Variants in CTNNA3 observed in about 807,000 individuals in gnomAD.
The protein encoded by CTNNA3 is catenin alpha-3.
In CTNNA3, 76 loss-of-function variants were observed where a neutral mutation model predicts 95.7. The ratio of observed to expected loss-of-function variants is 0.79; its 90% CI spans 0.66 to 0.96. CTNNA3 has a LOEUF of 0.96. CTNNA3 is among the 40% of genes least tolerant of loss of function. The pLI, the probability that CTNNA3 is intolerant of heterozygous loss-of-function variation, is 0.00. For missense variants in CTNNA3, 1,191 were observed against 1,089.8 expected (o/e 1.09, Z -1.31); for synonymous variants, 431 against 374.4 (o/e 1.15, Z -1.74).
intron 10 of CTNNA3, among the ~76,000 whole-genome samples, chr10:66,541,014 C>A (rs117447339): frequency 1.3e-5 from 2 of 151,942 alleles, no homozygotes; most frequent in South Asian, 2.1e-4. Flanking sequence ...GGAATATTTG[C>A]GGAATCTGAT....
intron 12 of CTNNA3, among the ~76,000 whole-genome samples, chr10:66,345,815 C>T (rs2092503631): frequency 6.6e-6 from 1 of 151,894 alleles, no homozygotes; most frequent in African/African-American, 2.4e-5. Flanking sequence ...GTGGCTCACA[C>T]CTGTAATCCC....
At chr10:66,031,133 T>C (rs1457246326) in intron 15 of CTNNA3, among the ~76,000 whole-genome samples, 13 of 152,166 alleles carry the variant, frequency 8.5e-5, no homozygotes, top group Admixed American at 1.3e-4. Flanking sequence ...ACAGCCAATA[T>C]GGAAACTCGA....
At chr10:67,412,270 C>A (rs1390658025) in intron 5 of CTNNA3, among the ~76,000 whole-genome samples, 1 of 152,000 alleles carries the variant, frequency 6.6e-6, no homozygotes, top group East Asian at 1.9e-4. Context: ...TCTTTGCCTT[C>A]TTGTTTCATG....
At position 66,026,488 on chromosome 10, in the gene CTNNA3, A is replaced by AT. The variant is rs1027573435; in HGVS notation, c.2160-37692dup. On this transcript the variant is annotated intron_variant, in intron 15 of 17. Transcript: ENST00000433211. Reference sequence around the variant, plus strand: ...CAAAGTGAAAGAGTAGAATCATTAGATTTTTTCAGGAACATCTGCAGAACA... The same window carrying AT: ...CAAAGTGAAAGAGTAGAATCATTAGATTTTTTTCAGGAACATCTGCAGAACA... Among the ~76,000 whole-genome samples, 10 of 152,274 alleles carry AT rather than the reference A, an allele frequency of 6.6e-5. No homozygotes were observed. The South Asian group carries it at 8.3e-4, about 13-fold the overall frequency.
chr10:66,381,513 T>G (rs2132496353), intron 11 of CTNNA3, among the ~76,000 whole-genome samples: 1 of 152,204 alleles, frequency 6.6e-6, no homozygotes, highest in East Asian at 1.9e-4. Flanking sequence ...TAAGTAGTAC[T>G]TGTTATAATA....
chr10:66,856,743 T>G (rs73323577), intron 7 of CTNNA3, among the ~76,000 whole-genome samples: 243 of 152,192 alleles, frequency 1.6e-3, no homozygotes, highest in African/African-American at 5.6e-3. Context: ...TTTGCCCATG[T>G]TTTATGGGGT....
intron 7 of CTNNA3, among the ~76,000 whole-genome samples, chr10:66,784,093 G>T (rs1840646249): frequency 6.6e-6 from 1 of 152,074 alleles, no homozygotes; most frequent in East Asian, 1.9e-4. Context: ...TCTGTGTCTT[G>T]CAGACATGTT....
intron 10 of CTNNA3, among the ~76,000 whole-genome samples, chr10:66,548,143 C>T (rs111254150): frequency 6.2e-4 from 94 of 152,002 alleles, no homozygotes; most frequent in Middle Eastern, 3.4e-3. Flanking sequence ...TCTCAAACTC[C>T]GAACCTCAGG....
At chr10:66,125,001 C>G (rs2082753054) in intron 13 of CTNNA3, among the ~76,000 whole-genome samples, 1 of 152,126 alleles carries the variant, frequency 6.6e-6, no homozygotes, top group East Asian at 1.9e-4. Context: ...CTCTACATTT[C>G]TACACACAGC....
chr10:66,164,567 T>C (rs192008946), intron 13 of CTNNA3, among the ~76,000 whole-genome samples: 1 of 151,726 alleles, frequency 6.6e-6, no homozygotes, highest in African/African-American at 2.4e-5. Context: ...CACATAGCAA[T>C]AAGAGCCAAA....
chr10:67,541,145 A>G (rs1488490755), intron 3 of CTNNA3, among the ~76,000 whole-genome samples: 2 of 151,942 alleles, frequency 1.3e-5, no homozygotes, highest in African/African-American at 4.8e-5. Flanking sequence ...ACATGCATGA[A>G]CAAGTTTAGC....
chr10:67,152,739 G>A (rs1157399756), intron 7 of CTNNA3, among the ~76,000 whole-genome samples: 1 of 152,034 alleles, frequency 6.6e-6, no homozygotes, highest in Non-Finnish European at 1.5e-5. Flanking sequence ...GCTTCTACTT[G>A]TTATACTTTG....
intron 7 of CTNNA3, among the ~76,000 whole-genome samples, chr10:66,825,233 T>C (rs186606598): frequency 2.0e-3 from 298 of 147,846 alleles, no homozygotes; most frequent in Admixed American, 4.2e-3. Context: ...TTTATATAAA[T>C]GACAATATAT....
chr10:67,464,158 A>C (rs1847485779), intron 5 of CTNNA3, among the ~76,000 whole-genome samples: 1 of 152,144 alleles, frequency 6.6e-6, no homozygotes, highest in Non-Finnish European at 1.5e-5. Context: ...TTCCCATGTT[A>C]TATTCCTCTT....
At chr10:65,952,293 T>C (rs1241503131) in intron 17 of CTNNA3, among the ~76,000 whole-genome samples, 1 of 152,152 alleles carries the variant, frequency 6.6e-6, no homozygotes, top group African/African-American at 2.4e-5. Flanking sequence ...TTTTTTGAAG[T>C]ATATCCTTTA....
chr10:67,311,689 T>TATGTGTATAG (rs1293656476), intron 5 of CTNNA3, among the ~76,000 whole-genome samples: 1 of 152,150 alleles, frequency 6.6e-6, no homozygotes, highest in African/African-American at 2.4e-5. Context: ...GACATATATT[T>TATGTGTATAG]AAGTGTATAG....
At chr10:67,191,883 AT>A (rs1863135767) in intron 6 of CTNNA3, among the ~76,000 whole-genome samples, 2 of 152,146 alleles carry the variant, frequency 1.3e-5, no homozygotes, top group African/African-American at 4.8e-5. Flanking sequence ...TAGTACTAGC[AT>A]AAAAACATAC....
chr10:67,390,606 A>G (rs1844426511), intron 5 of CTNNA3, among the ~76,000 whole-genome samples: 1 of 151,038 alleles, frequency 6.6e-6, no homozygotes, highest in African/African-American at 2.4e-5. Flanking sequence ...CAACCAAAAA[A>G]GAGAATTTTA....
chr10:66,015,699 A>G (rs1365801117), intron 15 of CTNNA3, among the ~76,000 whole-genome samples: 1 of 152,182 alleles, frequency 6.6e-6, no homozygotes, highest in African/African-American at 2.4e-5. Flanking sequence ...AAAGTTTGCC[A>G]ACTTTTTCAT....
Sources: allele counts gnomAD v4.1 joint callset (sites outside exome capture counted in the v4.1 genomes callset), GRCh38; gene constraint gnomAD v4.1.1; transcripts MANE v1.5; gene names NCBI Gene and HGNC (gene_info 2026-07-23, HGNC 2026-07-21).